Variants in LRP1B observed in about 807,000 individuals in gnomAD.
LRP1B encodes the protein LDL receptor related protein 1B.
A neutral mutation model predicts 556.6 loss-of-function variants in LRP1B; 217 were observed. That is an observed-to-expected ratio of 0.39 (90% CI 0.35 to 0.44). The LOEUF (loss-of-function observed/expected upper bound fraction) is 0.44. Ranked by LOEUF, LRP1B falls within the 20% of genes least tolerant of loss-of-function variation. The pLI is 1.00. For missense variants in LRP1B, 5,053 were observed against 5,620.8 expected (o/e 0.90, Z 3.23); for synonymous variants, 2,047 against 1,865.8 (o/e 1.10, Z -2.50).
intron 2 of LRP1B, among the ~76,000 whole-genome samples, chr2:141,755,858 T>TGA (rs1694301023): frequency 6.6e-6 from 1 of 151,980 alleles, no homozygotes; most frequent in Non-Finnish European, 1.5e-5. Context: ...TACTGACTCT[T>TGA]TAGTAATTTA....
chr2:141,001,917 AT>A (rs1697437182), intron 15 of LRP1B, among the ~76,000 whole-genome samples: 1 of 152,256 alleles, frequency 6.6e-6, no homozygotes, highest in South Asian at 2.1e-4. Flanking sequence ...AAACTGAAAA[AT>A]TAAACTAGCA....
At chr2:141,584,914 T>G (rs1392272360) in intron 2 of LRP1B, among the ~76,000 whole-genome samples, 1 of 152,058 alleles carries the variant, frequency 6.6e-6, no homozygotes, top group Non-Finnish European at 1.5e-5. Context: ...GATGCGGAGT[T>G]GTTGTTCAAT....
At chr2:141,359,764 C>T (rs1688753085) in intron 3 of LRP1B, among the ~76,000 whole-genome samples, 2 of 69,710 alleles carry the variant, frequency 2.9e-5, no homozygotes, top group African/African-American at 4.6e-5. Context: ...CCCCGCGCCC[C>T]GCCCCGCCCC....
rs865841592 is a variant in LRP1B, at chr2:140,583,754, A to T, written c.7194+14877T>A. Among the ~76,000 whole-genome samples the T allele has an allele frequency of 6.7e-4, 99 of 148,696 alleles. 1 individual carries two copies. The highest frequency in any genetic ancestry group is 3.3e-4 in the Non-Finnish European group (22 of 66,868). ...TATTATGTGCTGCTAGAAATAATTT[A>T]GCATCTTGATTTTTATTTTTTTATA... is the stretch of plus-strand genomic sequence containing the variant. On this transcript the variant is annotated intron_variant, in intron 43 of 90. Coordinates refer to ENST00000389484, the MANE Select transcript of LRP1B (RefSeq NM_018557.3).
Position 141,125,490 on chromosome 2 carries a change from C to T in LRP1B, c.1013+62931G>A, listed in dbSNP as rs1438820795. 2.0e-5 allele frequency among the ~76,000 whole-genome samples: 3 copies of T among 152,142 alleles called. No homozygotes were observed. The South Asian group carries it at 6.2e-4, about 32-fold the overall frequency. Reference sequence around the variant, plus strand: ...ATTTTAATAATCATGGCTGATGATGCTAGCATTCTCTTAGTTTATTTCTAA... The same window carrying T: ...ATTTTAATAATCATGGCTGATGATGTTAGCATTCTCTTAGTTTATTTCTAA... On this transcript the variant is annotated intron_variant, in intron 7 of 90. Coordinates refer to ENST00000389484, the MANE Select transcript of LRP1B (RefSeq NM_018557.3).
intron 69 of LRP1B, 72 bp from the exon 70 acceptor site, chr2:140,371,357 CATAAAT>C (rs1682985749): frequency 2.8e-5 from 19 of 681,652 alleles, no homozygotes; most frequent in Non-Finnish European, 4.5e-5. Context: ...AACATAAACA[CATAAAT>C]ATATGAATTT....
rs13431727 is a variant in LRP1B, at chr2:140,700,416, T to A, written c.6633A>T (p.Pro2211=). The A allele has an allele frequency of 0.18, 294,073 of 1,612,762 alleles. 29,725 individuals carry two copies. The highest frequency in any genetic ancestry group is 0.4 in the African/African-American group (29,934 of 74,832). ...AACGTGGATTCTCATATGGCCTTAT[T>A]GGGGAATTTAAATTGGTTTCATCAG... ...HLSDETNLNS[P]IRPYENPRYF... Residue 2211 remains proline (P), a synonymous_variant, in exon 41 of 91, where the codon CCA becomes CCT. Transcript: ENST00000389484.
chr2:141,551,170 G>C (rs908557516), intron 2 of LRP1B, among the ~76,000 whole-genome samples: 4 of 151,988 alleles, frequency 2.6e-5, no homozygotes, highest in African/African-American at 7.2e-5. Context: ...GTTAATAAGG[G>C]TGTAGTTGGA....
chr2:141,962,036 AAAGGT>A (rs1701416779), intron 1 of LRP1B, among the ~76,000 whole-genome samples: 1 of 151,778 alleles, frequency 6.6e-6, no homozygotes, highest in African/African-American at 2.4e-5. Context: ...TTAGTAAAGG[AAAGGT>A]AACTTCCTTA....
intron 66 of LRP1B, among the ~76,000 whole-genome samples, chr2:140,426,967 A>C (rs1457767723): frequency 6.6e-6 from 1 of 151,284 alleles, no homozygotes; most frequent in Non-Finnish European, 1.5e-5. Flanking sequence ...GCCTCTTTTT[A>C]CTCTCTTCTC....
rs115551773 is a variant in LRP1B, at chr2:140,466,421, A to G, written c.9625+8717T>C. Among the ~76,000 whole-genome samples the G allele has an allele frequency of 5.9e-3, 894 of 152,294 alleles. 9 individuals are homozygous for G. Among genetic ancestry groups the G allele is most frequent in the African/African-American group, 0.021 (865 of 41,568 alleles). On this transcript the variant is annotated intron_variant, in intron 60 of 90. Coordinates refer to ENST00000389484, the MANE Select transcript of LRP1B (RefSeq NM_018557.3). ...CCCCTCACAACACAAACTGGATTCC[A>G]GAGCAATAAACAAACAATAGAGTTA...
chr2:140,412,334 C>A (rs1312794696), intron 66 of LRP1B, among the ~76,000 whole-genome samples: 1 of 151,982 alleles, frequency 6.6e-6, no homozygotes, highest in African/African-American at 2.4e-5. Flanking sequence ...TGTACAGAAC[C>A]ATTTGGGTAC....
At chr2:141,416,295 T>C (rs1691097266) in intron 3 of LRP1B, among the ~76,000 whole-genome samples, 2 of 152,102 alleles carry the variant, frequency 1.3e-5, no homozygotes, top group Admixed American at 6.5e-5. Context: ...TAAGTGACCT[T>C]GGCTAATTAC....
chr2:140,966,035 A>T (rs140585283), intron 18 of LRP1B, among the ~76,000 whole-genome samples: 10,434 of 152,232 alleles, frequency 0.069, 428 homozygotes, highest in Non-Finnish European at 0.087. Context: ...GTGTCTTTAT[A>T]GAAGCATGAT....
intron 41 of LRP1B, among the ~76,000 whole-genome samples, chr2:140,618,559 AATATCTCTTC>A: frequency 6.6e-6 from 1 of 152,188 alleles, no homozygotes; most frequent in Admixed American, 6.6e-5. Flanking sequence ...GAAAGAAAAT[AATATCTCTTC>A]ATGCCATGCC....
At chr2:140,496,915 T>G (rs1287403160) in intron 55 of LRP1B, among the ~76,000 whole-genome samples, 2 of 150,522 alleles carry the variant, frequency 1.3e-5, no homozygotes, top group African/African-American at 4.9e-5. Flanking sequence ...ATTTATTTAT[T>G]TATTTATTTA....
chr2:140,649,422 G>T (rs1185141910), intron 41 of LRP1B, among the ~76,000 whole-genome samples: 1 of 152,126 alleles, frequency 6.6e-6, no homozygotes, highest in Non-Finnish European at 1.5e-5. Flanking sequence ...GAAAAAAAAA[G>T]TTGAAGTGTT....
chr2:141,259,444 T>C lies in LRP1B; in HGVS notation c.344-4803A>G, dbSNP rs139104533. ...AGATTGGAACCGTATTTTTGTCTTC[T>C]AGCCAATATAACGTAGAGAGTAATT... is the stretch of plus-strand genomic sequence containing the variant. On this transcript the variant is annotated intron_variant, in intron 3 of 90. Coordinates refer to ENST00000389484, the MANE Select transcript of LRP1B (RefSeq NM_018557.3). 3.6e-3 allele frequency among the ~76,000 whole-genome samples: 547 copies of C among 152,334 alleles called. 6 individuals are homozygous for C. Among genetic ancestry groups the C allele is most frequent in the South Asian group, 5.6e-3 (27 of 4,826 alleles).
chr2:141,308,655 T>C (rs2105444423), intron 3 of LRP1B, among the ~76,000 whole-genome samples: 1 of 152,284 alleles, frequency 6.6e-6, no homozygotes, highest in African/African-American at 2.4e-5. Flanking sequence ...GATATTATAT[T>C]AATAAAAAAA....
Sources: gnomAD v4.1 joint callset for allele counts (sites outside exome capture counted in the v4.1 genomes callset) on GRCh38, gnomAD v4.1.1 for gene constraint, MANE v1.5 for transcripts, NCBI Gene and HGNC (gene_info 2026-07-23, HGNC 2026-07-21) for gene names.